The following KCNIP4 variants were observed in gnomAD, a reference collection of about 807,000 sequenced individuals.
The protein encoded by KCNIP4 is Kv channel-interacting protein 4.
Under a neutral mutation model 34.0 loss-of-function variants are expected in KCNIP4, and 12 were observed. The observed-to-expected ratio is 0.35, with a 90% CI of 0.23 to 0.57. The LOEUF (loss-of-function observed/expected upper bound fraction) is 0.57, where lower values mean the gene tolerates loss of function less well. Among genes scored for constraint, KCNIP4 ranks in the 20% least tolerant of loss-of-function variants. KCNIP4 has a pLI of 0.83. For missense variants in KCNIP4, 238 were observed against 311.7 expected (o/e 0.76, Z 1.78); for synonymous variants, 124 against 102.2 (o/e 1.21, Z -1.29).
At chr4:21,263,984 T>G (rs574890900) in intron 1 of KCNIP4, among the ~76,000 whole-genome samples, 7 of 151,984 alleles carry the variant, frequency 4.6e-5, no homozygotes, top group Non-Finnish European at 7.4e-5. Flanking sequence ...TGTGTGTGTG[T>G]GTGTGTGTAT....
intron 1 of KCNIP4, among the ~76,000 whole-genome samples, chr4:21,059,476 G>A (rs149447199): frequency 3.3e-5 from 5 of 152,210 alleles, no homozygotes; most frequent in African/African-American, 7.2e-5. Context: ...AAGGATGGAC[G>A]GAGAAATTCC....
intron 1 of KCNIP4, among the ~76,000 whole-genome samples, chr4:21,501,366 C>A (rs75360519): frequency 0.019 from 2,953 of 151,886 alleles, 95 homozygotes; most frequent in East Asian, 0.12. Context: ...TGACAGAAAT[C>A]ACATTTGGAA....
intron 1 of KCNIP4, among the ~76,000 whole-genome samples, chr4:21,620,892 G>A (rs2109175749): frequency 6.6e-6 from 1 of 152,278 alleles, no homozygotes; most frequent in African/African-American, 2.4e-5. Context: ...TCTATCTCCA[G>A]TCTGCTCCAA....
At chr4:21,066,482 A>G (rs1744395002) in intron 1 of KCNIP4, among the ~76,000 whole-genome samples, 1 of 152,198 alleles carries the variant, frequency 6.6e-6, no homozygotes, top group Non-Finnish European at 1.5e-5. Context: ...TAGAAAAGAC[A>G]GTCTTTAATC....
At chr4:21,551,978 G>C (rs1048770741) in intron 1 of KCNIP4, among the ~76,000 whole-genome samples, 5 of 149,942 alleles carry the variant, frequency 3.3e-5, no homozygotes, top group African/African-American at 4.9e-5. Flanking sequence ...GACATCATTC[G>C]ACCTGTCCAG....
At chr4:20,926,932 C>T (rs1729958279) in intron 1 of KCNIP4, among the ~76,000 whole-genome samples, 1 of 152,150 alleles carries the variant, frequency 6.6e-6, no homozygotes. Context: ...ACTGTAAAAT[C>T]CACAATTAGT....
chr4:21,707,259 T>C (rs999553369), intron 1 of KCNIP4, among the ~76,000 whole-genome samples: 1 of 152,182 alleles, frequency 6.6e-6, no homozygotes, highest in Admixed American at 6.5e-5. Flanking sequence ...TGTATCACCT[T>C]GGTATTGAGT....
chr4:21,675,471 G>A (rs1479175355), intron 1 of KCNIP4, among the ~76,000 whole-genome samples: 1 of 152,094 alleles, frequency 6.6e-6, no homozygotes, highest in Non-Finnish European at 1.5e-5. Context: ...TAACTCAAAG[G>A]ATAAATGCTT....
intron 1 of KCNIP4, among the ~76,000 whole-genome samples, chr4:21,070,745 G>A (rs1175927489): frequency 7.7e-6 from 1 of 129,542 alleles, no homozygotes; most frequent in Admixed American, 9.4e-5. Flanking sequence ...GTGCAATCTC[G>A]GCTCACTGCA....
chr4:21,519,526 GTA>G lies in KCNIP4; in HGVS notation c.61+429043_61+429044del, dbSNP rs1298122248. Among the ~76,000 whole-genome samples, 11 of 98,130 alleles carry G rather than the reference GTA, an allele frequency of 1.1e-4. 1 individual carries two copies. Among genetic ancestry groups the G allele is most frequent in the East Asian group, 1.0e-3 (3 of 2,972 alleles). The allele number at this position is 98,130 out of a possible 152,430, so 64.4% of individuals were successfully genotyped here. A position where few individuals can be genotyped will look rare whatever the true frequency, so the allele number is the denominator to read the frequency against. Reference sequence around the variant, plus strand: ...TGTATGTGTATATACACATATGTGTGTATGTGTATGTGTATATACACATATGT... The same window carrying G: ...TGTATGTGTATATACACATATGTGTGTGTGTATGTGTATATACACATATGT... On this transcript the variant is annotated intron_variant, in intron 1 of 8. Transcript: ENST00000382152.
At chr4:21,767,286 T>C (rs1718485605) in intron 1 of KCNIP4, among the ~76,000 whole-genome samples, 1 of 152,032 alleles carries the variant, frequency 6.6e-6, no homozygotes, top group Non-Finnish European at 1.5e-5. Flanking sequence ...GAGGGAGACT[T>C]ATTGCAAGAA....
chr4:21,569,618 T>G (rs1180480486), intron 1 of KCNIP4, among the ~76,000 whole-genome samples: 1 of 151,912 alleles, frequency 6.6e-6, no homozygotes, highest in Non-Finnish European at 1.5e-5. Flanking sequence ...GAGGTGGCAT[T>G]TGAGAAGAAA....
chr4:21,345,591 A>G (rs75984682), intron 1 of KCNIP4, among the ~76,000 whole-genome samples: 41 of 152,278 alleles, frequency 2.7e-4, no homozygotes, highest in Middle Eastern at 6.8e-3. Flanking sequence ...ATAAAAAAAA[A>G]TTAGAGCTGT....
chr4:21,108,521 A>G (rs1483628589), intron 1 of KCNIP4, among the ~76,000 whole-genome samples: 1 of 151,536 alleles, frequency 6.6e-6, no homozygotes, highest in African/African-American at 2.4e-5. Flanking sequence ...CAAAGTTTTT[A>G]ACTTCTTTGC....
At position 21,307,443 on chromosome 4, in the gene KCNIP4, C is replaced by A. The variant is rs562148509; in HGVS notation, c.62-424734G>T. Among the ~76,000 whole-genome samples the A allele has an allele frequency of 3.9e-5, 6 of 152,216 alleles. No homozygotes were observed. The South Asian group carries it at 8.3e-4, about 21-fold the overall frequency. ...GCCCTGGAATCACTACCCTCTGAAC[C>A]AGTGTTATTTTCCTCCAAAGCATTG... On this transcript the variant is annotated intron_variant, in intron 1 of 8. Coordinates refer to ENST00000382152, the MANE Select transcript of KCNIP4 (RefSeq NM_025221.6).
chr4:20,997,048 G>A (rs1482226223), intron 1 of KCNIP4, among the ~76,000 whole-genome samples: 1 of 145,620 alleles, frequency 6.9e-6, no homozygotes, highest in Non-Finnish European at 1.5e-5. Flanking sequence ...GGGTTCAAGG[G>A]AGAATTCATT....
intron 1 of KCNIP4, among the ~76,000 whole-genome samples, chr4:21,394,013 A>G (rs1722766646): frequency 6.6e-6 from 1 of 152,174 alleles, no homozygotes; most frequent in Non-Finnish European, 1.5e-5. Context: ...CTACTGCGTG[A>G]AGTGTTATTC....
At chr4:21,829,233 G>A (rs979277984) in intron 1 of KCNIP4, among the ~76,000 whole-genome samples, 5 of 151,922 alleles carry the variant, frequency 3.3e-5, no homozygotes, top group African/African-American at 7.2e-5. Context: ...TTATGATAGA[G>A]TTACATCTTG....
At chr4:21,527,469 G>T (rs1413570409) in intron 1 of KCNIP4, among the ~76,000 whole-genome samples, 2 of 152,084 alleles carry the variant, frequency 1.3e-5, no homozygotes, top group Non-Finnish European at 2.9e-5. Flanking sequence ...GAAGGACTTG[G>T]TTCAAATTCT....
Sources: gnomAD v4.1 joint callset for allele counts (sites outside exome capture counted in the v4.1 genomes callset) on GRCh38, gnomAD v4.1.1 for gene constraint, MANE v1.5 for transcripts, NCBI Gene and HGNC (gene_info 2026-07-23, HGNC 2026-07-21) for gene names.